The following CSMD1 variants were observed in gnomAD, a reference collection of about 807,000 sequenced individuals.
The protein encoded by CSMD1 is CUB and sushi domain-containing protein 1.
In CSMD1, 213 loss-of-function variants were observed where a neutral mutation model predicts 417.5. The observed-to-expected ratio is 0.51, with a 90% CI of 0.46 to 0.57. The LOEUF is 0.57. Among genes scored for constraint, CSMD1 ranks in the 20% least tolerant of loss-of-function variants. The pLI is 0.00. For synonymous variants in CSMD1, 2,862 were observed against 1,736.8 expected (o/e 1.65, Z -16.11); for missense variants, 6,923 against 4,529.7 (o/e 1.53, Z -15.17).
At chr8:4,440,245 T>C (rs142054854) in intron 2 of CSMD1, among the ~76,000 whole-genome samples, 3 of 152,314 alleles carry the variant, frequency 2.0e-5, no homozygotes, top group African/African-American at 4.8e-5. Flanking sequence ...TGTGCACCTA[T>C]ACATATTGTA....
In CSMD1 at chr8:4,758,658, A is replaced by G. The variant is rs1408505300; in HGVS notation, c.86-121100T>C. 2.0e-5 allele frequency among the ~76,000 whole-genome samples: 3 copies of G among 152,180 alleles called. No homozygotes were observed. The East Asian group carries it at 5.8e-4, about 29-fold the overall frequency. ...CTGGGGAGGCCTCAGGAAACTTACA[A>G]TCATGGCAAAAGGAATAGTGGACAC... On this transcript the variant is annotated intron_variant, in intron 1 of 69. Coordinates refer to ENST00000635120, the MANE Select transcript of CSMD1 (RefSeq NM_033225.6).
chr8:4,824,454 G>T (rs1421906198), intron 1 of CSMD1, among the ~76,000 whole-genome samples: 1 of 152,090 alleles, frequency 6.6e-6, no homozygotes, highest in Non-Finnish European at 1.5e-5. Flanking sequence ...TATAATTAAA[G>T]AAGACTATTT....
chr8:3,268,747 T>G (rs910500285), intron 26 of CSMD1, among the ~76,000 whole-genome samples: 7 of 152,180 alleles, frequency 4.6e-5, no homozygotes, highest in African/African-American at 1.7e-4. Context: ...TGTCTACCTC[T>G]GCCTACCTAC....
chr8:3,382,971 A>T (rs940757859), intron 18 of CSMD1, among the ~76,000 whole-genome samples: 1 of 152,200 alleles, frequency 6.6e-6, no homozygotes, highest in Non-Finnish European at 1.5e-5. Flanking sequence ...AGGCATGGCC[A>T]CTTAAACGCT....
At chr8:3,223,262 A>G (rs1798316505) in intron 28 of CSMD1, among the ~76,000 whole-genome samples, 1 of 152,172 alleles carries the variant, frequency 6.6e-6, no homozygotes, top group Non-Finnish European at 1.5e-5. Context: ...CTTTACAGCA[A>G]CCACATTTGG....
chr8:3,472,866 C>G (rs569928638), intron 11 of CSMD1, among the ~76,000 whole-genome samples: 2 of 152,046 alleles, frequency 1.3e-5, no homozygotes, highest in Admixed American at 1.3e-4. Context: ...CACCAGTCAT[C>G]GGCCACTAGA....
chr8:4,102,615 T>C (rs1801362953), intron 3 of CSMD1, among the ~76,000 whole-genome samples: 1 of 152,206 alleles, frequency 6.6e-6, no homozygotes, highest in African/African-American at 2.4e-5. Context: ...TCTACTCAAA[T>C]GCCTCCTGTT....
At chr8:3,037,466 C>T (rs1810768517) in intron 50 of CSMD1, among the ~76,000 whole-genome samples, 1 of 152,098 alleles carries the variant, frequency 6.6e-6, no homozygotes, top group Non-Finnish European at 1.5e-5. Flanking sequence ...CCTCGGCCTC[C>T]CTATACCGCA....
At chr8:3,699,187 G>T (rs545607290) in intron 7 of CSMD1, among the ~76,000 whole-genome samples, 1 of 152,222 alleles carries the variant, frequency 6.6e-6, no homozygotes, top group Non-Finnish European at 1.5e-5. Context: ...ACATTACACT[G>T]TGTTTTCTGA....
chr8:3,177,539 G>A (rs1207622910), intron 37 of CSMD1, among the ~76,000 whole-genome samples: 1 of 152,158 alleles, frequency 6.6e-6, no homozygotes, highest in Non-Finnish European at 1.5e-5. Context: ...TCAATCTCTA[G>A]GAGACCATTA....
At chr8:4,506,998 C>T (rs1423703640) in intron 2 of CSMD1, among the ~76,000 whole-genome samples, 2 of 151,988 alleles carry the variant, frequency 1.3e-5, no homozygotes, top group Non-Finnish European at 2.9e-5. Context: ...TGAAGGAATT[C>T]CTAAGAATGC....
At chr8:4,486,812 G>C (rs1336317950) in intron 2 of CSMD1, among the ~76,000 whole-genome samples, 1 of 152,136 alleles carries the variant, frequency 6.6e-6, no homozygotes, top group Non-Finnish European at 1.5e-5. Context: ...CTGCTGCAAA[G>C]GTGCCTGCAA....
At chr8:3,271,950 C>G (rs1417975158) in intron 26 of CSMD1, among the ~76,000 whole-genome samples, 2 of 152,086 alleles carry the variant, frequency 1.3e-5, no homozygotes, top group East Asian at 1.9e-4. Flanking sequence ...TCCCATTTGT[C>G]AATTTTGGCT....
intron 7 of CSMD1, among the ~76,000 whole-genome samples, chr8:3,673,288 AT>A (rs1796404907): frequency 6.6e-6 from 1 of 152,194 alleles, no homozygotes; most frequent in Non-Finnish European, 1.5e-5. Context: ...TCAAATCCGT[AT>A]CCTCTACAAG....
intron 52 of CSMD1, among the ~76,000 whole-genome samples, chr8:3,009,752 A>G (rs1808236376): frequency 6.6e-6 from 1 of 152,178 alleles, no homozygotes; most frequent in Admixed American, 6.5e-5. Flanking sequence ...AATTTGTCCA[A>G]CATGGAGGTA....
At chr8:3,812,738 C>G (rs1202297293) in intron 5 of CSMD1, among the ~76,000 whole-genome samples, 2 of 152,196 alleles carry the variant, frequency 1.3e-5, no homozygotes, top group African/African-American at 4.8e-5. Flanking sequence ...AACACCACAT[C>G]TCCCCAAGTC....
intron 2 of CSMD1, among the ~76,000 whole-genome samples, chr8:4,465,367 G>A (rs752515062): frequency 5.3e-5 from 8 of 152,114 alleles, no homozygotes; most frequent in African/African-American, 9.7e-5. Context: ...GTCTACTAAA[G>A]ATAAATGAGA....
chr8:4,192,373 T>C (rs947938489), intron 3 of CSMD1, among the ~76,000 whole-genome samples: 1 of 152,184 alleles, frequency 6.6e-6, no homozygotes, highest in Non-Finnish European at 1.5e-5. Flanking sequence ...TAGAGACTCT[T>C]TCTCTTGCTC....
At chr8:4,175,239 C>T (rs1254496034) in intron 3 of CSMD1, among the ~76,000 whole-genome samples, 3 of 152,084 alleles carry the variant, frequency 2.0e-5, no homozygotes, top group Non-Finnish European at 4.4e-5. Flanking sequence ...ACAATGTCAA[C>T]CAATTAAATG....
Sources: gnomAD v4.1 joint callset for allele counts (sites outside exome capture counted in the v4.1 genomes callset) on GRCh38, gnomAD v4.1.1 for gene constraint, MANE v1.5 for transcripts, NCBI Gene and HGNC (gene_info 2026-07-23, HGNC 2026-07-21) for gene names.